TIAM1: variants seen among roughly 807,000 people sequenced by gnomAD.
The protein encoded by TIAM1 is TIAM Rac1 associated GEF 1.
TIAM1 carries 65 observed loss-of-function variants against 163.5 expected under a neutral mutation model. The ratio of observed to expected loss-of-function variants is 0.40; its 90% confidence interval spans 0.33 to 0.49. TIAM1 has a LOEUF of 0.49. Ranked by LOEUF, TIAM1 falls within the 20% of genes least tolerant of loss-of-function variation. The pLI is 0.77. For synonymous variants in TIAM1, 833 were observed against 810.1 expected (o/e 1.03, Z -0.48); for missense variants, 1,789 against 2,044.7 (o/e 0.87, Z 2.41).
chr21:31,557,886 G>A (rs374680965), intron 1 of TIAM1, among the ~76,000 whole-genome samples: 7 of 152,262 alleles, frequency 4.6e-5, no homozygotes, highest in African/African-American at 1.2e-4. Flanking sequence ...CGCCAGCCTG[G>A]ACCCCAGGCT....
chr21:31,413,259 C>CTTTTTT (rs2043263648), intron 2 of TIAM1, among the ~76,000 whole-genome samples: 1 of 128,756 alleles, frequency 7.8e-6, no homozygotes, highest in South Asian at 2.5e-4. Context: ...CTTTTCTTTT[C>CTTTTTT]TTTTCTTTTT....
At chr21:31,307,652 G>T (rs2074766128) in intron 2 of TIAM1, among the ~76,000 whole-genome samples, 1 of 152,070 alleles carries the variant, frequency 6.6e-6, no homozygotes, top group Admixed American at 6.6e-5. Context: ...TTTAATAAAG[G>T]TCTCCCCTTT....
intron 15 of TIAM1, among the ~76,000 whole-genome samples, chr21:31,168,224 C>A (rs956411691): frequency 2.0e-5 from 3 of 151,694 alleles, no homozygotes; most frequent in Non-Finnish European, 4.4e-5. Context: ...TCCTGAGTAG[C>A]TGGGATTACA....
intron 2 of TIAM1, among the ~76,000 whole-genome samples, chr21:31,406,486 A>G (rs1282210904): frequency 1.3e-5 from 2 of 151,204 alleles, no homozygotes; most frequent in African/African-American, 4.9e-5. Context: ...TAAATAATTA[A>G]TACAAAAAAG....
chr21:31,439,316 A>G (rs1009701760), intron 2 of TIAM1, among the ~76,000 whole-genome samples: 1 of 152,170 alleles, frequency 6.6e-6, no homozygotes, highest in African/African-American at 2.4e-5. Flanking sequence ...TTGAGATGGC[A>G]TCTTACTCTG....
intron 15 of TIAM1, among the ~76,000 whole-genome samples, chr21:31,178,303 C>CTTT (rs10671534): frequency 0.027 from 2,615 of 95,966 alleles, 35 homozygotes; most frequent in Non-Finnish European, 0.033. Context: ...TTCAGGAATT[C>CTTT]TTTTTTTTTT....
chr21:31,132,240 T>A (rs2082439117), intron 23 of TIAM1, among the ~76,000 whole-genome samples: 1 of 152,168 alleles, frequency 6.6e-6, no homozygotes, highest in Non-Finnish European at 1.5e-5. Flanking sequence ...GTCGGTCTTG[T>A]CTCCTCTTTG....
chr21:31,154,488 A>G (rs1012150646), intron 16 of TIAM1, 62 bp from the exon 17 acceptor site: 27 of 1,556,496 alleles, frequency 1.7e-5, no homozygotes, highest in Non-Finnish European at 2.2e-5. Context: ...CGCACCTGAC[A>G]CCTGGACCGC....
At chr21:31,454,787 T>A (rs2045025991) in intron 2 of TIAM1, among the ~76,000 whole-genome samples, 1 of 152,138 alleles carries the variant, frequency 6.6e-6, no homozygotes, top group South Asian at 2.1e-4. Flanking sequence ...TGGAGCTGAA[T>A]CAGAATTGAA....
intron 1 of TIAM1, among the ~76,000 whole-genome samples, chr21:31,464,873 G>A (rs936949902): frequency 4.0e-5 from 6 of 148,474 alleles, no homozygotes; most frequent in East Asian, 2.0e-4. Context: ...AGCCAGATGC[G>A]GTGGCTCACA....
intron 2 of TIAM1, among the ~76,000 whole-genome samples, chr21:31,387,495 G>A (rs574534): frequency 0.15 from 22,177 of 151,678 alleles, 1,716 homozygotes; most frequent in Non-Finnish European, 0.17. Flanking sequence ...TTACAGGCAT[G>A]AGCCACCGAG....
chr21:31,426,250 C>G (rs2043792610), intron 2 of TIAM1, among the ~76,000 whole-genome samples: 1 of 152,144 alleles, frequency 6.6e-6, no homozygotes, highest in Non-Finnish European at 1.5e-5. Flanking sequence ...CTTTTTAACA[C>G]TTTGAGTAGC....
At chr21:31,349,095 T>C (rs1383780833), upstream of TIAM1, among the ~76,000 whole-genome samples, 1 of 152,204 alleles carries the variant, frequency 6.6e-6, no homozygotes, top group Non-Finnish European at 1.5e-5. Context: ...ATGATGAATG[T>C]TCGATTTAAT....
chr21:31,143,428 A>G (rs942844743), intron 20 of TIAM1, among the ~76,000 whole-genome samples: 2 of 148,386 alleles, frequency 1.3e-5, no homozygotes, highest in Admixed American at 6.9e-5. Flanking sequence ...CCCGCAAAAA[A>G]CAGTGGGAGT....
chr21:31,486,260 G>GA (rs1349291007), intron 1 of TIAM1, among the ~76,000 whole-genome samples: 1 of 152,182 alleles, frequency 6.6e-6, no homozygotes, highest in Non-Finnish European at 1.5e-5. Flanking sequence ...TCATCCTGGG[G>GA]AAAAAATGAA....
At chr21:31,359,041 A>T (rs1356347433) in intron 2 of TIAM1, among the ~76,000 whole-genome samples, 1 of 152,136 alleles carries the variant, frequency 6.6e-6, no homozygotes, top group African/African-American at 2.4e-5. Context: ...GGAACATTCC[A>T]GGTAGGCTGC....
intron 16 of TIAM1, among the ~76,000 whole-genome samples, chr21:31,162,029 A>G (rs1189673038): frequency 2.0e-5 from 3 of 152,224 alleles, no homozygotes; most frequent in African/African-American, 7.2e-5. Context: ...TAATAAATTA[A>G]TTCCTTCTTT....
rs866725103 is a variant in TIAM1 at position 31,305,429 on chromosome 21, A to T, written c.-188-28521T>A. 8.6e-3 allele frequency among the ~76,000 whole-genome samples: 1,306 copies of T among 152,184 alleles called. 20 individuals carry two copies. Among genetic ancestry groups the T allele is most frequent in the African/African-American group, 0.029 (1,224 of 41,526 alleles). On this transcript the variant is annotated intron_variant, in intron 2 of 27. Coordinates refer to ENST00000541036, the MANE Select transcript of TIAM1 (RefSeq NM_001353694.2). ...TTAACTCTGAAATAAAAATAAAAAA[A>T]AAAAAAAAACAGTTCTTAGCCTTTT... is the stretch of plus-strand genomic sequence containing the variant.
chr21:31,462,726 CCA>C (rs1266083333), intron 2 of TIAM1, among the ~76,000 whole-genome samples: 1 of 142,586 alleles, frequency 7.0e-6, no homozygotes, highest in Non-Finnish European at 1.5e-5. Flanking sequence ...CTACCTAACC[CCA>C]CTTTTTTGTT....
Sources: allele counts gnomAD v4.1 joint callset (sites outside exome capture counted in the v4.1 genomes callset), GRCh38; gene constraint gnomAD v4.1.1; transcripts MANE v1.5; gene names NCBI Gene and HGNC (gene_info 2026-07-23, HGNC 2026-07-21).